OTOGL: variants seen among roughly 807,000 people sequenced by gnomAD.
OTOGL encodes the protein otogelin-like protein.
Under a neutral mutation model 318.5 loss-of-function variants are expected in OTOGL, and 285 were observed. The observed-to-expected ratio is 0.89, with a 90% CI of 0.81 to 0.99. OTOGL has a LOEUF of 0.99. Ranked by LOEUF, OTOGL falls within the 50% of genes least tolerant of loss-of-function variation. The probability of loss-of-function intolerance (pLI) is 0.00; values close to 1 mark genes in which losing one functional copy is unlikely to be tolerated. For synonymous variants in OTOGL, 987 were observed against 936.5 expected, an observed-to-expected ratio of 1.05 and a Z score of -0.99; for missense variants, 2,899 against 2,845.6, an observed-to-expected ratio of 1.02 and a Z score of -0.43.
At chr12:80,238,267 C>G (rs1197193682) in intron 9 of OTOGL, among the ~76,000 whole-genome samples, 1 of 152,140 alleles carries the variant, frequency 6.6e-6, no homozygotes, top group Non-Finnish European at 1.5e-5. Flanking sequence ...CACTGTTCAT[C>G]ATATTTAGAT....
chr12:80,268,670 C>T (rs1883184203), intron 22 of OTOGL, among the ~76,000 whole-genome samples: 1 of 152,108 alleles, frequency 6.6e-6, no homozygotes, highest in South Asian at 2.1e-4. Flanking sequence ...GCTCAAAACA[C>T]CTAATCAGTA....
At chr12:80,323,678 C>A in intron 34 of OTOGL, 45 bp from the exon 35 acceptor site, 2 of 1,389,188 alleles carry the variant, frequency 1.4e-6, no homozygotes, top group Non-Finnish European at 2.0e-6. Context: ...AGTTTTCAAG[C>A]TATGTATTAA....
intron 8 of OTOGL, among the ~76,000 whole-genome samples, chr12:80,229,855 G>A (rs546861611): frequency 2.0e-4 from 30 of 152,160 alleles, no homozygotes; most frequent in Admixed American, 1.8e-3. Context: ...GATTTTCCAC[G>A]GAAGTTCTGA....
intron 33 of OTOGL, among the ~76,000 whole-genome samples, chr12:80,319,046 A>C (rs1887158765): frequency 6.6e-6 from 1 of 152,334 alleles, no homozygotes; most frequent in South Asian, 2.1e-4. Context: ...AATATTTGAA[A>C]GGTTTTATGC....
intron 1 of OTOGL, among the ~76,000 whole-genome samples, chr12:80,186,525 C>A (rs1267109631): frequency 6.6e-6 from 1 of 152,156 alleles, no homozygotes; most frequent in Non-Finnish European, 1.5e-5. Context: ...TCATATGATT[C>A]ACTTGTTGAA....
chr12:80,336,994 T>C lies in OTOGL; in HGVS notation c.4850T>C (p.Leu1617Ser). ...ATACATAAAATAATTGTCAATCGGT[T>C]GGCAAGAAAGGTAAGAATACAAAGT... Reference protein sequence around the residue: ...TPIHKIIVNRLARKVEVDSIV... With the variant: ...TPIHKIIVNRSARKVEVDSIV... Residue 1617 changes from leucine to serine, a missense_variant, in exon 42 of 59, where the codon TTG becomes TCG. Physicochemically the swap from Leu to Ser is moderately radical, Grantham distance 145. Coordinates refer to ENST00000547103, the MANE Select transcript of OTOGL (RefSeq NM_001378609.3). The C allele has an allele frequency of 6.3e-7, 1 of 1,578,244 alleles. No homozygotes were observed. Among genetic ancestry groups the C allele is most frequent in the East Asian group, 2.3e-5 (1 of 43,808 alleles).
intron 1 of OTOGL, among the ~76,000 whole-genome samples, chr12:80,159,237 G>A (rs1306260025): frequency 2.6e-5 from 4 of 152,040 alleles, no homozygotes; most frequent in Admixed American, 6.6e-5. Flanking sequence ...AGTTAGCCTA[G>A]TATTTTGTTA....
intron 1 of OTOGL, among the ~76,000 whole-genome samples, chr12:80,189,858 C>T (rs1443202949): frequency 1.1e-4 from 16 of 152,184 alleles, no homozygotes; most frequent in Admixed American, 7.8e-4. Context: ...GTTAGCTATA[C>T]GGGAGGAAGC....
At position 80,314,307 on chromosome 12, in the gene OTOGL, CT is replaced by C. The variant is rs777537213; in HGVS notation, c.3612del (p.Asp1205IlefsTer30). On this transcript the variant is annotated frameshift_variant, in exon 32 of 59. Coordinates refer to ENST00000547103, the MANE Select transcript of OTOGL (RefSeq NM_001378609.3). LOFTEE classifies it high-confidence loss of function. The part of the protein sequence containing the change: ...IHWRSSTVCS[L>X]DCEYYNEGLG... Reference sequence around the variant, plus strand: ...TATTTATTCTTTTTTTCTTTTAGCACTTGATTGTGAATACTACAATGAAGGT... The same window carrying C: ...TATTTATTCTTTTTTTCTTTTAGCACTGATTGTGAATACTACAATGAAGGT... 9.6e-7 allele frequency: 1 copy of C among 1,047,056 alleles called. No individual in the cohort carries two copies. Among genetic ancestry groups the C allele is most frequent in the Non-Finnish European group, 1.3e-6 (1 of 785,034 alleles). 64.9% of individuals were successfully genotyped at this position (1,047,056 alleles called of 1,614,324 possible). A position where few individuals can be genotyped will look rare whatever the true frequency, so the allele number is the denominator to read the frequency against.
chr12:80,113,834 A>G (rs1321481275), intron 1 of OTOGL, among the ~76,000 whole-genome samples: 1 of 152,186 alleles, frequency 6.6e-6, no homozygotes, highest in Non-Finnish European at 1.5e-5. Flanking sequence ...TAGGATAGTT[A>G]GCTCTTCTTG....
chr12:80,223,057 C>T (rs1025181176), intron 7 of OTOGL, among the ~76,000 whole-genome samples: 1 of 151,948 alleles, frequency 6.6e-6, no homozygotes, highest in African/African-American at 2.4e-5. Flanking sequence ...CCCCTTGGTC[C>T]CCAAAGTCCA....
intron 1 of OTOGL, among the ~76,000 whole-genome samples, chr12:80,146,448 G>A (rs1026268233): frequency 3.3e-5 from 5 of 151,516 alleles, no homozygotes; most frequent in Non-Finnish European, 5.9e-5. Context: ...TGTGCTGCTG[G>A]ATTCGTTTTG....
At chr12:80,158,049 T>A (rs1046318901) in intron 1 of OTOGL, among the ~76,000 whole-genome samples, 2 of 152,156 alleles carry the variant, frequency 1.3e-5, no homozygotes, top group African/African-American at 2.4e-5. Context: ...TAGAAATTAG[T>A]AAATCCTAAG....
chr12:80,161,226 G>A (rs1873495282), intron 1 of OTOGL, among the ~76,000 whole-genome samples: 1 of 151,578 alleles, frequency 6.6e-6, no homozygotes, highest in African/African-American at 2.4e-5. Context: ...CCCAAAACCT[G>A]TGGAAATAAA....
At chr12:80,161,970 A>G (rs1447405384) in intron 1 of OTOGL, among the ~76,000 whole-genome samples, 1 of 152,150 alleles carries the variant, frequency 6.6e-6, no homozygotes, top group Non-Finnish European at 1.5e-5. Flanking sequence ...CAATGTTTGG[A>G]TTTAAATAAA....
At chr12:80,330,632 C>A (rs749106248) in intron 37 of OTOGL, among the ~76,000 whole-genome samples, 4 of 152,298 alleles carry the variant, frequency 2.6e-5, no homozygotes, top group South Asian at 2.1e-4. Flanking sequence ...CAACCATAAT[C>A]TCTTTGCAGA....
intron 18 of OTOGL, 24 bp from the exon 19 acceptor site, chr12:80,261,945 A>G (rs750688574): frequency 1.9e-6 from 3 of 1,606,694 alleles, no homozygotes; most frequent in African/African-American, 2.7e-5. Flanking sequence ...ATACATGAAG[A>G]TGAGCATTGT....
chr12:80,363,629 C>T (rs1168693839), intron 52 of OTOGL, among the ~76,000 whole-genome samples: 1 of 152,096 alleles, frequency 6.6e-6, no homozygotes, highest in Non-Finnish European at 1.5e-5. Flanking sequence ...ATTACTAGGT[C>T]CTTGGACAAA....
rs547524522 is a variant in OTOGL at position 80,258,184 on chromosome 12, G to A, written c.1889+182G>A. Among the ~76,000 whole-genome samples the A allele has an allele frequency of 7.9e-5, 12 of 152,182 alleles. No homozygotes were observed. The South Asian group carries it at 2.3e-3, about 29-fold the overall frequency. ...ATAAATATGTTTATTTTGTAGATAA[G>A]GAAACTAATCAAGTCCTCAAAGTGG... On this transcript the variant is annotated intron_variant, in intron 18 of 58. Coordinates refer to ENST00000547103, the MANE Select transcript of OTOGL (RefSeq NM_001378609.3).
Sources: allele counts gnomAD v4.1 joint callset (sites outside exome capture counted in the v4.1 genomes callset), GRCh38; gene constraint gnomAD v4.1.1; transcripts MANE v1.5; gene names NCBI Gene and HGNC (gene_info 2026-07-23, HGNC 2026-07-21).